The following RPS6KA6 variants were observed in gnomAD, a reference collection of about 807,000 sequenced individuals.
RPS6KA6 encodes the protein ribosomal protein S6 kinase alpha-6.
A neutral mutation model predicts 65.4 loss-of-function variants in RPS6KA6; 27 were observed. That is an observed-to-expected ratio of 0.41 (90% confidence interval 0.30 to 0.57). The LOEUF is 0.57. Among genes scored for constraint, RPS6KA6 ranks in the 20% least tolerant of loss-of-function variants. The pLI, the probability that RPS6KA6 is intolerant of heterozygous loss-of-function variation, is 0.24. For missense variants in RPS6KA6, 486 were observed against 555.6 expected (o/e 0.87, Z 1.26); for synonymous variants, 190 against 184.2 (o/e 1.03, Z -0.26).
intron 16 of RPS6KA6, 121 bp downstream of exon 16, chrX:84,105,666 C>T: frequency 2.7e-6 from 1 of 368,163 alleles, no homozygotes; most frequent in Non-Finnish European, 4.7e-6. Flanking sequence ...TTTAAGAGTC[C>T]TGAGATTTTT....
intron 1 of RPS6KA6, among the ~76,000 whole-genome samples, chrX:84,177,317 TAAC>T (rs1391024761): frequency 8.9e-6 from 1 of 111,869 alleles, no homozygotes; most frequent in East Asian, 2.8e-4. Flanking sequence ...TTAAAAATAA[TAAC>T]ATTTACTGAG....
At chrX:84,082,020 C>G (rs756807114) in intron 20 of RPS6KA6, among the ~76,000 whole-genome samples, 2 of 112,126 alleles carry the variant, frequency 1.8e-5, no homozygotes, top group East Asian at 5.6e-4. Flanking sequence ...GAAGCATTCC[C>G]TTTGAAAACC....
At chrX:84,099,533 C>T (rs867301010) in intron 18 of RPS6KA6, among the ~76,000 whole-genome samples, 19 of 110,890 alleles carry the variant, frequency 1.7e-4, no homozygotes, top group Non-Finnish European at 3.4e-4. Flanking sequence ...AATCAATTAA[C>T]GTTTGGGGCA....
At chrX:84,118,842 T>C (rs886161262) in intron 9 of RPS6KA6, among the ~76,000 whole-genome samples, 2 of 111,612 alleles carry the variant, frequency 1.8e-5, no homozygotes, top group African/African-American at 6.5e-5. Flanking sequence ...TAAAATACAA[T>C]TTTCTCTAAT....
At chrX:84,123,313 C>A (rs1365267556) in intron 8 of RPS6KA6, among the ~76,000 whole-genome samples, 1 of 112,594 alleles carries the variant, frequency 8.9e-6, no homozygotes, top group African/African-American at 3.2e-5. Context: ...TTGAGAAAAG[C>A]AGACAGAAAG....
intron 16 of RPS6KA6, among the ~76,000 whole-genome samples, 197 bp from the exon 17 acceptor site, chrX:84,104,854 C>T (rs777482595): frequency 2.4e-4 from 27 of 110,319 alleles, no homozygotes; most frequent in African/African-American, 8.5e-4. Context: ...CCTACACAGT[C>T]CCATGAAACC....
chrX:84,151,046 T>G (rs866827722), intron 3 of RPS6KA6, among the ~76,000 whole-genome samples: 11 of 92,478 alleles, frequency 1.2e-4, no homozygotes, highest in Admixed American at 5.1e-4. Flanking sequence ...GATATATATA[T>G]AGAGGATAGA....
Position 84,148,094 on chromosome X carries a change from A to G in RPS6KA6, c.288T>C (p.Pro96=). Residue 96 remains proline, a synonymous_variant, in exon 4 of 22, where the codon CCT becomes CCC. Coordinates refer to ENST00000262752, the MANE Select transcript of RPS6KA6 (RefSeq NM_014496.5). ...KVFLVRKKTG[P]DAGQLYAMKV... is the part of the protein sequence containing the mutation. ...TCATTGCATAGAGCTGCCCAGCATC[A>G]GGACCGGTCTTCTTTCTAACAAGAA... The G allele has an allele frequency of 8.4e-7, 1 of 1,183,938 alleles. No homozygotes were observed. The highest frequency in any genetic ancestry group is 1.1e-6 in the Non-Finnish European group (1 of 879,496).
At chrX:84,156,921 C>A (rs1157921259) in intron 2 of RPS6KA6, among the ~76,000 whole-genome samples, 2 of 111,786 alleles carry the variant, frequency 1.8e-5, no homozygotes, top group Admixed American at 1.9e-4. Flanking sequence ...CACAAAATAA[C>A]AGAGTTGGAA....
At chrX:84,162,248 C>CA (rs770199096) in intron 2 of RPS6KA6, among the ~76,000 whole-genome samples, 1 of 109,887 alleles carries the variant, frequency 9.1e-6, no homozygotes, top group African/African-American at 3.3e-5. Context: ...AAGCCAACCA[C>CA]AAAAAAACAC....
chrX:84,071,903 A>T (rs532694196), intron 20 of RPS6KA6, among the ~76,000 whole-genome samples: 3 of 112,032 alleles, frequency 2.7e-5, no homozygotes, highest in African/African-American at 9.7e-5. Context: ...AGAAAATCTG[A>T]ACAGACCAAT....
intron 16 of RPS6KA6, among the ~76,000 whole-genome samples, chrX:84,105,480 G>A (rs1205967988): frequency 2.7e-5 from 3 of 111,036 alleles, no homozygotes; most frequent in Non-Finnish European, 5.7e-5. Context: ...TGTATCTTCT[G>A]TATTGATAGC....
intron 20 of RPS6KA6, among the ~76,000 whole-genome samples, chrX:84,077,470 G>A (rs1003515137): frequency 9.0e-6 from 1 of 111,457 alleles, no homozygotes; most frequent in Non-Finnish European, 1.9e-5. Flanking sequence ...TGGATATTTG[G>A]ACAATTGATA....
chrX:84,135,321 A>G, intron 6 of RPS6KA6, 111 bp from the exon 7 acceptor site: 2 of 473,847 alleles, frequency 4.2e-6, no homozygotes, highest in South Asian at 8.1e-5. Flanking sequence ...TAATAAGATA[A>G]TAAGCACAGT....
At chrX:84,122,350 AT>A (rs1252860326) in intron 8 of RPS6KA6, among the ~76,000 whole-genome samples, 1 of 56,525 alleles carries the variant, frequency 1.8e-5, no homozygotes, top group Admixed American at 2.1e-4. Flanking sequence ...AGCTTTTGTT[AT>A]TTTTTTTAAG....
chrX:84,155,181 G>A (rs1366775618), intron 3 of RPS6KA6, among the ~76,000 whole-genome samples: 2 of 110,919 alleles, frequency 1.8e-5, no homozygotes, highest in Non-Finnish European at 3.8e-5. Context: ...CAGCCTGGGT[G>A]ACAGAGCAAG....
intron 19 of RPS6KA6, 92 bp downstream of exon 19, chrX:84,097,680 T>C: frequency 1.9e-6 from 1 of 535,392 alleles, no homozygotes; most frequent in Non-Finnish European, 3.0e-6. Flanking sequence ...TCATTTTCCT[T>C]AAAGTTATTT....
At chrX:84,164,033 G>C (rs1307506982) in intron 2 of RPS6KA6, among the ~76,000 whole-genome samples, 2 of 112,015 alleles carry the variant, frequency 1.8e-5, no homozygotes, top group Admixed American at 9.5e-5. Flanking sequence ...TAATAATTCA[G>C]TTACTCATAC....
rs139752368 is a variant in RPS6KA6 at position 84,059,599 on chromosome X, A to T, written c.*4678T>A. The T allele has an allele frequency of 3.2e-3, 358 of 112,374 alleles. 2 individuals carry two copies. Among genetic ancestry groups the T allele is most frequent in the African/African-American group, 0.011 (342 of 30,966 alleles). The allele number at this position is 112,374 out of a possible 1,213,427, so 9.3% of individuals were successfully genotyped here. The stretch of plus-strand genomic sequence containing the variant: ...TTCATAGGAAAGATAAAAGTAACCT[A>T]ATCAGTCACATTTTGACAATTTTTT... On this transcript the variant is annotated 3_prime_UTR_variant, in exon 22 of 22. Coordinates refer to ENST00000262752, the MANE Select transcript of RPS6KA6 (RefSeq NM_014496.5).
Sources: allele counts gnomAD v4.1 joint callset (sites outside exome capture counted in the v4.1 genomes callset), GRCh38; gene constraint gnomAD v4.1.1; transcripts MANE v1.5; gene names NCBI Gene and HGNC (gene_info 2026-07-23, HGNC 2026-07-21).